The following LRP1B variants were observed in gnomAD, a reference collection of about 807,000 sequenced individuals.
LRP1B encodes the protein LDL receptor related protein 1B.
A neutral mutation model predicts 556.6 loss-of-function variants in LRP1B; 217 were observed. The ratio of observed to expected loss-of-function variants is 0.39; its 90% CI spans 0.35 to 0.44. LRP1B has a LOEUF of 0.44. LRP1B is among the 20% of genes least tolerant of loss of function. The pLI is 1.00. For synonymous variants in LRP1B, 2,047 were observed against 1,865.8 expected (o/e 1.10, Z -2.50); for missense variants, 5,053 against 5,620.8 (o/e 0.90, Z 3.23).
chr2:141,883,345 G>A (rs936711521), intron 1 of LRP1B, among the ~76,000 whole-genome samples: 1 of 152,110 alleles, frequency 6.6e-6, no homozygotes, highest in African/African-American at 2.4e-5. Flanking sequence ...TGTTCTTGAT[G>A]TATTTTAATT....
At chr2:141,803,340 AG>A (rs1696072044) in intron 2 of LRP1B, among the ~76,000 whole-genome samples, 1 of 151,470 alleles carries the variant, frequency 6.6e-6, no homozygotes, top group Non-Finnish European at 1.5e-5. Flanking sequence ...TACCAGTGTT[AG>A]GCCCTTTCAA....
intron 1 of LRP1B, among the ~76,000 whole-genome samples, chr2:142,008,950 A>G (rs1218131719): frequency 6.6e-6 from 1 of 152,118 alleles, no homozygotes. Context: ...CAGTGATTCC[A>G]CCACCCAGAA....
chr2:140,815,867 CTT>C lies in LRP1B; in HGVS notation c.5210-2063_5210-2062del, dbSNP rs36080198. 4.7e-3 allele frequency among the ~76,000 whole-genome samples: 430 copies of C among 91,214 alleles called. 2 individuals carry two copies. The highest frequency in any genetic ancestry group is 9.9e-3 in the African/African-American group (283 of 28,606). 59.8% of individuals were successfully genotyped at this position (91,214 alleles called of 152,430 possible). Reference sequence around the variant, plus strand: ...TCACAGAGGGAAGAATGTTGTCTCTCTTTTTTTTTTTTTTTTGGATCTGAGTT... The same window carrying C: ...TCACAGAGGGAAGAATGTTGTCTCTCTTTTTTTTTTTTTTGGATCTGAGTT... On this transcript the variant is annotated intron_variant, in intron 31 of 90. Coordinates refer to ENST00000389484, the MANE Select transcript of LRP1B (RefSeq NM_018557.3).
intron 6 of LRP1B, among the ~76,000 whole-genome samples, chr2:141,209,861 A>G (rs1046376010): frequency 2.6e-5 from 4 of 152,174 alleles, no homozygotes; most frequent in African/African-American, 7.2e-5. Context: ...AAGCAAGTAC[A>G]AGGGAACTGA....
At chr2:140,847,759 C>T (rs1430367653) in intron 29 of LRP1B, among the ~76,000 whole-genome samples, 2 of 69,172 alleles carry the variant, frequency 2.9e-5, no homozygotes, top group African/African-American at 9.0e-5. Context: ...AGTGAGACTG[C>T]ATCTAAAAAA....
intron 1 of LRP1B, among the ~76,000 whole-genome samples, chr2:142,101,233 G>T (rs1264810168): frequency 2.0e-5 from 3 of 151,934 alleles, no homozygotes; most frequent in Non-Finnish European, 4.4e-5. Flanking sequence ...GGCATTGTAG[G>T]TTGGCAATTA....
intron 83 of LRP1B, 58 bp downstream of exon 83, chr2:140,314,877 A>G (rs925877578): frequency 2.3e-6 from 3 of 1,298,744 alleles, no homozygotes; most frequent in African/African-American, 3.0e-5. Flanking sequence ...AGCATTTTCG[A>G]TTCATATATA....
intron 18 of LRP1B, among the ~76,000 whole-genome samples, 154 bp downstream of exon 18, chr2:140,982,006 A>T: frequency 6.6e-6 from 1 of 152,210 alleles, no homozygotes; most frequent in East Asian, 1.9e-4. Context: ...TAAAGCGCAC[A>T]ATCAGGTCCA....
At chr2:141,197,385 A>G (rs1001546532) in intron 6 of LRP1B, among the ~76,000 whole-genome samples, 1 of 152,132 alleles carries the variant, frequency 6.6e-6, no homozygotes, top group Non-Finnish European at 1.5e-5. Context: ...AAAGCAGGAA[A>G]ATATGAAATC....
chr2:141,851,750 T>A (rs959327446), intron 1 of LRP1B, among the ~76,000 whole-genome samples: 1 of 151,696 alleles, frequency 6.6e-6, no homozygotes, highest in Non-Finnish European at 1.5e-5. Context: ...GAATTGCTGT[T>A]TCCTTAAGTG....
At chr2:141,578,832 T>G (rs61604097) in intron 2 of LRP1B, among the ~76,000 whole-genome samples, 2,067 of 152,212 alleles carry the variant, frequency 0.014, 43 homozygotes, top group African/African-American at 0.047. Flanking sequence ...TGTGCAAAAT[T>G]ACCCATAAGT....
chr2:141,166,108 C>G (rs1252122296), intron 7 of LRP1B, among the ~76,000 whole-genome samples: 1 of 151,730 alleles, frequency 6.6e-6, no homozygotes, highest in African/African-American at 2.4e-5. Flanking sequence ...TATGTTTTAC[C>G]ATAACACCCC....
chr2:140,917,706 C>T (rs1694619586), intron 21 of LRP1B, among the ~76,000 whole-genome samples: 1 of 152,036 alleles, frequency 6.6e-6, no homozygotes. Context: ...AATAAACAGG[C>T]AGGGTACGAA....
chr2:142,104,591 AT>A (rs890203603), intron 1 of LRP1B, among the ~76,000 whole-genome samples: 1 of 152,040 alleles, frequency 6.6e-6, no homozygotes. Context: ...TCATAAAGGT[AT>A]TTTTTTGACA....
chr2:140,481,972 G>A (rs1009004358), intron 59 of LRP1B, among the ~76,000 whole-genome samples: 6 of 152,184 alleles, frequency 3.9e-5, no homozygotes, highest in Non-Finnish European at 4.4e-5. Flanking sequence ...AGAGCACCAC[G>A]TCACTCAGCT....
chr2:140,340,126 T>A lies in LRP1B; in HGVS notation c.11893-4288A>T, dbSNP rs116609488. ...TGTTCTTTAACCTTTTATTCCTGAT[T>A]CACCTCGGTCCTCCATAAAAAGAAA... On this transcript the variant is annotated intron_variant, in intron 77 of 90. Transcript: ENST00000389484. Among the ~76,000 whole-genome samples the A allele has an allele frequency of 2.1e-3, 316 of 151,440 alleles. 1 individual carries two copies. The highest frequency in any genetic ancestry group is 6.8e-3 in the Middle Eastern group (2 of 294).
intron 60 of LRP1B, among the ~76,000 whole-genome samples, chr2:140,470,099 C>T (rs1357047198): frequency 1.3e-5 from 2 of 152,130 alleles, no homozygotes; most frequent in African/African-American, 2.4e-5. Flanking sequence ...AAAATAAATA[C>T]TATGTGTAAA....
At position 141,554,268 on chromosome 2, in the gene LRP1B, TATATCTATA is replaced by T. The variant is rs1685877889; in HGVS notation, c.206-73744_206-73736del. On this transcript the variant is annotated intron_variant, in intron 2 of 90. Transcript: ENST00000389484. ...GGAATAGACCTAGATATAGATTATA[TATATCTATA>T]GGAATAGACATAGATATAGATTATA... is the stretch of plus-strand genomic sequence containing the variant. Among the ~76,000 whole-genome samples, 2 of 89,918 alleles carry T rather than the reference TATATCTATA, an allele frequency of 2.2e-5. 1 individual carries two copies. The highest frequency in any genetic ancestry group is 1.1e-3 in the South Asian group (2 of 1,784). 59.0% of individuals were successfully genotyped at this position (89,918 alleles called of 152,430 possible).
chr2:142,115,458 T>C (rs1282106255), intron 1 of LRP1B, among the ~76,000 whole-genome samples: 2 of 40,294 alleles, frequency 5.0e-5, no homozygotes, highest in African/African-American at 1.0e-4. Flanking sequence ...AGTCTATACC[T>C]ATATATATAT....
Sources: allele counts gnomAD v4.1 joint callset (sites outside exome capture counted in the v4.1 genomes callset), GRCh38; gene constraint gnomAD v4.1.1; transcripts MANE v1.5; gene names NCBI Gene and HGNC (gene_info 2026-07-23, HGNC 2026-07-21).